The following METTL3 variants were observed in gnomAD, a reference collection of about 807,000 sequenced individuals.
The protein encoded by METTL3 is methyltransferase 3, N6-adenosine-methyltransferase complex catalytic subunit.
METTL3 carries 42 observed loss-of-function variants against 64.3 expected under a neutral mutation model. The ratio of observed to expected loss-of-function variants is 0.65; its 90% CI spans 0.51 to 0.84. The LOEUF is 0.84. METTL3 is among the 40% of genes least tolerant of loss of function. The pLI, the probability that METTL3 is intolerant of heterozygous loss-of-function variation, is 0.00. For missense variants in METTL3, 435 were observed against 722.3 expected, an observed-to-expected ratio of 0.60 and a Z score of 4.56; for synonymous variants, 256 against 263.6, an observed-to-expected ratio of 0.97 and a Z score of 0.28.
intron 3 of METTL3, among the ~76,000 whole-genome samples, chr14:21,502,145 A>G (rs776099293): frequency 1.3e-4 from 20 of 151,324 alleles, no homozygotes; most frequent in Admixed American, 2.0e-4. Context: ...TCAGCCTTCA[A>G]TTGTAGCTGG....
At chr14:21,509,215 C>T (rs1026434201) in intron 1 of METTL3, among the ~76,000 whole-genome samples, 1 of 152,120 alleles carries the variant, frequency 6.6e-6, no homozygotes, top group South Asian at 2.1e-4. Flanking sequence ...TAGCACACGC[C>T]TGTGGCCCCA....
At chr14:21,509,277 C>G (rs1035247998) in intron 1 of METTL3, among the ~76,000 whole-genome samples, 1 of 152,246 alleles carries the variant, frequency 6.6e-6, no homozygotes, top group African/African-American at 2.4e-5. Flanking sequence ...GAAGTCAAGG[C>G]AGCAGTGAGC....
In METTL3 at chr14:21,503,465, A is replaced by G; in HGVS notation, c.431T>C (p.Leu144Pro). Reference sequence around the variant, plus strand: ...CTTGGAATGGTCAGCATAGGTTACAAGAGTAGGATGTGCATCATCTTGTAG... The same window carrying G: ...CTTGGAATGGTCAGCATAGGTTACAGGAGTAGGATGTGCATCATCTTGTAG... Reference protein sequence around the residue: ...GLLQDDAHPTLVTYADHSKLS... With the variant: ...GLLQDDAHPTPVTYADHSKLS... The change falls in exon 3 of 11, where the codon CTT becomes CCT. Residue 144 changes from leucine (L) to proline (P), a missense_variant. Leu to Pro is a moderately conservative substitution (Grantham distance 98). Around this residue, in one of 9 missense-constraint regions of METTL3, gnomAD observed 228 missense variants for 279.6 expected, o/e 0.82. Transcript: ENST00000298717. 1 of 1,613,590 alleles carries G rather than the reference A, an allele frequency of 6.2e-7. No individual in the cohort carries two copies. The highest frequency in any genetic ancestry group is 8.5e-7 in the Non-Finnish European group (1 of 1,180,032).
At chr14:21,504,230 A>G (rs1195887358) in intron 1 of METTL3, 1 of 248,688 alleles carries the variant, frequency 4.0e-6, no homozygotes. Flanking sequence ...GAATATACTC[A>G]ACAACCTAGG....
At chr14:21,498,432 A>T in intron 10 of METTL3, 63 bp from the exon 11 acceptor site, 3 of 1,494,516 alleles carry the variant, frequency 2.0e-6, no homozygotes, top group South Asian at 2.3e-5. Context: ...TAATATTGTT[A>T]AAAAATGCAT....
chr14:21,499,913 A>G (rs900600490), intron 6 of METTL3, 111 bp from the exon 7 acceptor site: 14 of 941,480 alleles, frequency 1.5e-5, no homozygotes, highest in Non-Finnish European at 2.2e-5. Context: ...CGCTCAGTGA[A>G]CATTTACATG....
chr14:21,503,403 C>T lies in METTL3; in HGVS notation c.493G>A (p.Gly165Ser). 6.2e-7 allele frequency: 1 copy of T among 1,614,120 alleles called. No individual in the cohort carries two copies. The highest frequency in any genetic ancestry group is 8.5e-7 in the Non-Finnish European group (1 of 1,180,022). Residue 165 changes from glycine (G) to serine (S), a missense_variant, in exon 3 of 11, where the codon GGC (glycine) becomes AGC (serine). This residue lies in a region of METTL3 where 228 missense variants were observed against 279.6 expected (regional missense o/e 0.82). Coordinates refer to ENST00000298717, the MANE Select transcript of METTL3 (RefSeq NM_019852.5). ...AMMGAVAEKK[G>S]PGEVAGTVTG... ...ACAGTCCCTGCTACCTCCCCAGGGC[C>T]CTTCTTTTCTGCCACAGCACCCATC...
rs1415450658 is a variant in METTL3, at chr14:21,498,385, A to C, written c.1632-16T>G. 3.1e-6 allele frequency: 5 copies of C among 1,612,718 alleles called. No homozygotes were observed. The highest frequency in any genetic ancestry group is 4.2e-6 in the Non-Finnish European group (5 of 1,179,542). On this transcript the variant is annotated splice_polypyrimidine_tract_variant and intron_variant, in intron 10 of 10. Coordinates refer to ENST00000298717, the MANE Select transcript of METTL3 (RefSeq NM_019852.5). ...AAGGGTGATCCTGAAACAGTGTAAA[A>C]GGAGGGGCAAACCAGAAATCCTGGA...
chr14:21,500,500 T>C lies in METTL3; in HGVS notation c.1299A>G (p.Thr433=), dbSNP rs1357779203. 4.3e-6 allele frequency: 7 copies of C among 1,614,172 alleles called. No homozygotes were observed. Among genetic ancestry groups the C allele is most frequent in the Non-Finnish European group, 5.1e-6 (6 of 1,179,994 alleles). The change falls in exon 6 of 11, where the codon ACA becomes ACG. Residue 433 remains threonine, a synonymous_variant. Transcript: ENST00000298717. ...QDDGFLFLWV[T]GRAMELGREC... ...ACGTAACTGAATTGCATTACCTGCC[T>C]GTGACCCAGAGGAAGAGAAAGCCAT...
In METTL3 at chr14:21,503,272, C is replaced by T; in HGVS notation, c.624G>A (p.Glu208=). The change falls in exon 3 of 11, where the codon GAG becomes GAA. Residue 208 remains glutamate (E), a synonymous_variant. Transcript: ENST00000298717. ...CATGTTTCCTTGATTTCTTGGCTGG[C>T]TCCTTTGCTGGTTCCGATGCTGAAG... ...LNSSASEPAK[E]PAKKSRKHAA... is the part of the protein sequence containing the mutation. 6.2e-7 allele frequency: 1 copy of T among 1,614,226 alleles called. No individual in the cohort carries two copies.
intron 1 of METTL3, among the ~76,000 whole-genome samples, chr14:21,505,632 T>A (rs901570849): frequency 1.3e-5 from 2 of 152,208 alleles, no homozygotes; most frequent in African/African-American, 2.4e-5. Context: ...CCCTAAACTT[T>A]TCACGTGCAA....
chr14:21,499,487 C>T lies in METTL3; in HGVS notation c.1452+5G>A. On this transcript the variant is annotated splice_donor_5th_base_variant and intron_variant, in intron 8 of 10. Coordinates refer to ENST00000298717, the MANE Select transcript of METTL3 (RefSeq NM_019852.5). ...CCTATTGAATTGGGCCCCACTGCTG[C>T]TCACCAAGCAGTGTTCCTTCCCATG... is the stretch of plus-strand genomic sequence containing the variant. 2 of 1,610,166 alleles carry T rather than the reference C, an allele frequency of 1.2e-6. No individual in the cohort carries two copies. Among genetic ancestry groups the T allele is most frequent in the African/African-American group, 1.3e-5 (1 of 74,986 alleles).
intron 1 of METTL3, among the ~76,000 whole-genome samples, chr14:21,505,348 A>G (rs1316713589): frequency 2.0e-5 from 3 of 152,236 alleles, no homozygotes; most frequent in South Asian, 2.1e-4. Flanking sequence ...CCATGTTAAC[A>G]TAAATATTTC....
rs780584310 is a variant in METTL3 at position 21,503,526 on chromosome 14, C to T, written c.370G>A (p.Ala124Thr). 1 of 1,612,112 alleles carries T rather than the reference C, an allele frequency of 6.2e-7. No homozygotes were observed. Among genetic ancestry groups the T allele is most frequent in the Admixed American group, 1.7e-5 (1 of 60,000 alleles). The change falls in exon 3 of 11, where the codon GCA (alanine) becomes ACA (threonine). Residue 124 changes from alanine (A) to threonine (T), a missense_variant. Ala to Thr is a moderately conservative substitution (Grantham distance 58). This residue lies in a region of METTL3 where 228 missense variants were observed against 279.6 expected (regional missense o/e 0.82). Transcript: ENST00000298717. ...TTTACCTCAATCAACTCCTGAGCTG[C>T]AAACTTCTGCAGGAGGCTTTCTACC... is the stretch of plus-strand genomic sequence containing the variant. Reference protein sequence around the residue: ...DGVESLLQKFAAQELIEVKRG... With the variant: ...DGVESLLQKFTAQELIEVKRG...
chr14:21,500,203 C>G (rs1183690237), intron 6 of METTL3, among the ~76,000 whole-genome samples: 1 of 151,806 alleles, frequency 6.6e-6, no homozygotes, highest in Non-Finnish European at 1.5e-5. Flanking sequence ...ACTAAAAATA[C>G]AAAAAGAAAA....
chr14:21,499,605 G>T lies in METTL3; in HGVS notation c.1344-5C>A. The T allele has an allele frequency of 2.5e-6, 4 of 1,612,132 alleles. No homozygotes were observed. The highest frequency in any genetic ancestry group is 1.1e-5 in the South Asian group (1 of 91,008). On this transcript the variant is annotated splice_polypyrimidine_tract_variant and splice_region_variant and intron_variant, in intron 7 of 10. Transcript: ENST00000298717. ...ATTTCATCTACCCGTTCATACCTGTGGGGCATAAAAAAGAACTAGAATTTT... is the reference window on the plus strand; with the variant it reads ...ATTTCATCTACCCGTTCATACCTGTTGGGCATAAAAAAGAACTAGAATTTT...
rs779618118 is a variant in METTL3, at chr14:21,498,372, G to A, written c.1632-3C>T. ...CCAGTTGGTTTCCAAGGGTGATCCT[G>A]AAACAGTGTAAAAGGAGGGGCAAAC... is the stretch of plus-strand genomic sequence containing the variant. On this transcript the variant is annotated splice_region_variant and splice_polypyrimidine_tract_variant and intron_variant, in intron 10 of 10. Coordinates refer to ENST00000298717, the MANE Select transcript of METTL3 (RefSeq NM_019852.5). 2.0e-5 allele frequency: 33 copies of A among 1,614,048 alleles called. No individual in the cohort carries two copies. The highest frequency in any genetic ancestry group is 2.4e-5 in the Non-Finnish European group (28 of 1,179,976).
At chr14:21,505,802 A>G (rs1374493702) in intron 1 of METTL3, among the ~76,000 whole-genome samples, 1 of 152,220 alleles carries the variant, frequency 6.6e-6, no homozygotes, top group Non-Finnish European at 1.5e-5. Flanking sequence ...CTCTGCTGCA[A>G]CTACACTGAC....
intron 1 of METTL3, among the ~76,000 whole-genome samples, chr14:21,507,153 C>T (rs1377371094): frequency 2.0e-5 from 3 of 151,552 alleles, no homozygotes; most frequent in African/African-American, 7.3e-5. Flanking sequence ...TGCACTCCAG[C>T]CTGGGCAACA....
Sources: allele counts gnomAD v4.1 joint callset (sites outside exome capture counted in the v4.1 genomes callset), GRCh38; gene constraint gnomAD v4.1.1; regional missense constraint gnomAD v4.1.1; transcripts MANE v1.5; gene names NCBI Gene and HGNC (gene_info 2026-07-23, HGNC 2026-07-21).